NEDD4L: variants seen among roughly 807,000 people sequenced by gnomAD.
NEDD4L encodes E3 ubiquitin-protein ligase NEDD4-like.
Under a neutral mutation model 148.9 loss-of-function variants are expected in NEDD4L, and 54 were observed. That is an observed-to-expected ratio of 0.36 (90% CI 0.29 to 0.45). The LOEUF is 0.45. Among genes scored for constraint, NEDD4L ranks in the 20% least tolerant of loss-of-function variants. NEDD4L has a pLI of 1.00. For missense variants in NEDD4L, 856 were observed against 1,233.8 expected (o/e 0.69, Z 4.59); for synonymous variants, 433 against 440.7 (o/e 0.98, Z 0.22).
At chr18:58,080,370 T>G (rs1370943307) in intron 1 of NEDD4L, among the ~76,000 whole-genome samples, 7 of 152,220 alleles carry the variant, frequency 4.6e-5, no homozygotes, top group Non-Finnish European at 7.3e-5. Flanking sequence ...CCCTTTGAGG[T>G]TTTTGGTTCT....
At chr18:58,068,295 G>A (rs1568169371) in intron 1 of NEDD4L, among the ~76,000 whole-genome samples, 1 of 151,054 alleles carries the variant, frequency 6.6e-6, no homozygotes, top group Non-Finnish European at 1.5e-5. Flanking sequence ...CGCCTCCCAG[G>A]TTCACCCCAT....
At chr18:58,183,899 G>A (rs1276628728) in intron 2 of NEDD4L, among the ~76,000 whole-genome samples, 1 of 152,196 alleles carries the variant, frequency 6.6e-6, no homozygotes, top group Non-Finnish European at 1.5e-5. Flanking sequence ...GCCAGGCATG[G>A]TGGCTCACGC....
At chr18:58,292,645 A>G (rs1461967287) in intron 5 of NEDD4L, among the ~76,000 whole-genome samples, 1 of 152,182 alleles carries the variant, frequency 6.6e-6, no homozygotes, top group Admixed American at 6.5e-5. Flanking sequence ...CTTTTCTCAA[A>G]GCTCCTGTGA....
chr18:58,389,135 T>C lies in NEDD4L; in HGVS notation c.2598T>C (p.His866=). ...TGGATGTGAATGACTGGAGACAGCATTCTATTTACAAGAACGGCTACTGCC... is the reference window on the plus strand; with the variant it reads ...TGGATGTGAATGACTGGAGACAGCACTCTATTTACAAGAACGGCTACTGCC... The part of the protein sequence containing the change: ...GDVDVNDWRQ[H]SIYKNGYCPN... The change falls in exon 28 of 31, where the codon CAT becomes CAC. Residue 866 remains histidine, a synonymous_variant. Coordinates refer to ENST00000400345, the MANE Select transcript of NEDD4L (RefSeq NM_001144967.3). 6.2e-7 allele frequency: 1 copy of C among 1,614,026 alleles called. No homozygotes were observed. The highest frequency in any genetic ancestry group is 8.5e-7 in the Non-Finnish European group (1 of 1,179,894).
intron 1 of NEDD4L, chr18:58,047,325 G>A: frequency 5.1e-6 from 5 of 984,990 alleles, no homozygotes; most frequent in Non-Finnish European, 6.0e-6. Flanking sequence ...ATTTTGATTT[G>A]AGATTGTTGA....
chr18:58,061,839 GAATT>G (rs1344887671), intron 1 of NEDD4L, among the ~76,000 whole-genome samples: 6 of 152,150 alleles, frequency 3.9e-5, no homozygotes, highest in African/African-American at 1.4e-4. Flanking sequence ...GCCCTTTTGA[GAATT>G]AGTTTGTTTT....
chr18:58,325,275 G>A (rs940627552), intron 9 of NEDD4L, 113 bp downstream of exon 9: 1 of 1,249,272 alleles, frequency 8.0e-7, no homozygotes, highest in Non-Finnish European at 1.1e-6. Flanking sequence ...TATAAGAGCA[G>A]ATGGTGGTGT....
intron 2 of NEDD4L, chr18:58,221,505 A>G (rs1160101324): frequency 2.0e-6 from 2 of 976,990 alleles, no homozygotes; most frequent in East Asian, 1.1e-4. Flanking sequence ...ACCAACAAGC[A>G]TTTCTTTCTA....
intron 2 of NEDD4L, among the ~76,000 whole-genome samples, chr18:58,230,387 G>A (rs2148113801): frequency 6.6e-6 from 1 of 150,922 alleles, no homozygotes; most frequent in African/African-American, 2.4e-5. Context: ...AGGTGATGTT[G>A]CGGAAGTGAG....
At chr18:58,240,741 C>G (rs771351924) in intron 2 of NEDD4L, among the ~76,000 whole-genome samples, 7 of 152,160 alleles carry the variant, frequency 4.6e-5, no homozygotes, top group Non-Finnish European at 8.8e-5. Flanking sequence ...TTATCTCCTT[C>G]TAATGAATAT....
chr18:58,167,375 G>A (rs371762187), intron 2 of NEDD4L, among the ~76,000 whole-genome samples: 100 of 152,316 alleles, frequency 6.6e-4, no homozygotes, highest in African/African-American at 2.3e-3. Context: ...CCATTTCCAT[G>A]AGTCTGGGCT....
rs751005267 is a variant in NEDD4L at position 58,397,701 on chromosome 18, G to C, written c.*1432G>C. ...AGCTATTGAGCTGGTAGTGGCAGAG[G>C]ACTGAGGGTACCTGCACAGTTTGAT... is the stretch of plus-strand genomic sequence containing the variant. On this transcript the variant is annotated 3_prime_UTR_variant, in exon 31 of 31. Coordinates refer to ENST00000400345, the MANE Select transcript of NEDD4L (RefSeq NM_001144967.3). The C allele has an allele frequency of 1.0e-4, 16 of 152,664 alleles. No homozygotes were observed. The highest frequency in any genetic ancestry group is 2.0e-4 in the Admixed American group (3 of 15,282). The allele number at this position is 152,664 out of a possible 1,614,324, so 9.5% of individuals were successfully genotyped here.
intron 18 of NEDD4L, among the ~76,000 whole-genome samples, chr18:58,356,206 C>T (rs1471241537): frequency 6.6e-6 from 1 of 152,170 alleles, no homozygotes; most frequent in Non-Finnish European, 1.5e-5. Flanking sequence ...GATCCTCCTG[C>T]CTCAGCCCCC....
chr18:58,196,516 C>T (rs1029197693), intron 2 of NEDD4L, among the ~76,000 whole-genome samples: 7 of 152,158 alleles, frequency 4.6e-5, no homozygotes, highest in Non-Finnish European at 1.0e-4. Flanking sequence ...CTGCATTCTT[C>T]AGCCCTCAAA....
At chr18:58,307,590 C>T (rs1408600821) in intron 5 of NEDD4L, among the ~76,000 whole-genome samples, 3 of 152,064 alleles carry the variant, frequency 2.0e-5, no homozygotes, top group Non-Finnish European at 4.4e-5. Context: ...AGAATAAAAC[C>T]ACACGGCACT....
At chr18:58,112,610 T>A (rs2085491122) in intron 1 of NEDD4L, among the ~76,000 whole-genome samples, 1 of 152,114 alleles carries the variant, frequency 6.6e-6, no homozygotes, top group Admixed American at 6.5e-5. Context: ...TGCCTCTGCC[T>A]CCCAAGTAGC....
chr18:58,279,622 TG>T (rs1219302682), intron 5 of NEDD4L, among the ~76,000 whole-genome samples: 2 of 152,208 alleles, frequency 1.3e-5, no homozygotes, highest in Non-Finnish European at 2.9e-5. Flanking sequence ...TAGGATTTTT[TG>T]TTGGTGTGAG....
intron 1 of NEDD4L, among the ~76,000 whole-genome samples, chr18:58,047,665 G>A (rs2081650394): frequency 1.3e-5 from 2 of 152,190 alleles, no homozygotes; most frequent in Non-Finnish European, 2.9e-5. Flanking sequence ...AAAACCATCA[G>A]ATGAAGGACT....
intron 5 of NEDD4L, among the ~76,000 whole-genome samples, chr18:58,279,176 C>T (rs1219828716): frequency 6.6e-6 from 1 of 152,038 alleles, no homozygotes; most frequent in African/African-American, 2.4e-5. Context: ...CATGCCTGGC[C>T]GATTATACTT....
Sources: gnomAD v4.1 joint callset for allele counts (sites outside exome capture counted in the v4.1 genomes callset) on GRCh38, gnomAD v4.1.1 for gene constraint, MANE v1.5 for transcripts, NCBI Gene and HGNC (gene_info 2026-07-23, HGNC 2026-07-21) for gene names.